TAFA5: variants seen among roughly 807,000 people sequenced by gnomAD.
The protein encoded by TAFA5 is TAFA chemokine like family member 5, also known as chemokine-like protein TAFA-5.
In TAFA5, 6 loss-of-function variants were observed where a neutral mutation model predicts 15.3. The ratio of observed to expected loss-of-function variants is 0.39; its 90% CI spans 0.21 to 0.77. The LOEUF is 0.77. Among genes scored for constraint, TAFA5 ranks in the 30% least tolerant of loss-of-function variants. The pLI is 0.41. For missense variants in TAFA5, 161 were observed against 193.1 expected (o/e 0.83, Z 0.98); for synonymous variants, 103 against 80.7 (o/e 1.28, Z -1.48).
At chr22:48,673,415 C>T (rs1401652099) in intron 2 of TAFA5, among the ~76,000 whole-genome samples, 1 of 152,220 alleles carries the variant, frequency 6.6e-6, no homozygotes, top group Non-Finnish European at 1.5e-5. Flanking sequence ...TGTCTCGTCG[C>T]TTTCTGGACA....
intron 1 of TAFA5, among the ~76,000 whole-genome samples, chr22:48,621,079 A>C (rs923740748): frequency 1.4e-3 from 49 of 35,120 alleles, no homozygotes; most frequent in Non-Finnish European, 2.0e-3. Flanking sequence ...TCATCCATCC[A>C]CCCACCCACC....
At chr22:48,508,162 A>T (rs1569162392) in intron 1 of TAFA5, among the ~76,000 whole-genome samples, 1 of 152,136 alleles carries the variant, frequency 6.6e-6, no homozygotes, top group Non-Finnish European at 1.5e-5. Flanking sequence ...CAGGGAGGTG[A>T]CTGTCTGTGT....
At chr22:48,682,478 C>T (rs773050007) in intron 2 of TAFA5, among the ~76,000 whole-genome samples, 4 of 152,214 alleles carry the variant, frequency 2.6e-5, no homozygotes, top group Non-Finnish European at 4.4e-5. Context: ...GGTGACCCCA[C>T]GTCCCACAGG....
chr22:48,518,330 C>T (rs919234329), intron 1 of TAFA5, among the ~76,000 whole-genome samples: 1 of 152,192 alleles, frequency 6.6e-6, no homozygotes, highest in Non-Finnish European at 1.5e-5. Flanking sequence ...CTCTGCCCCC[C>T]AGAATCCACA....
intron 1 of TAFA5, among the ~76,000 whole-genome samples, chr22:48,494,729 A>T (rs1162785953): frequency 6.6e-6 from 1 of 152,046 alleles, no homozygotes; most frequent in African/African-American, 2.4e-5. Flanking sequence ...TCCCTTCCGG[A>T]CTTCTCCGCC....
chr22:48,536,685 G>A (rs549381970), intron 1 of TAFA5, among the ~76,000 whole-genome samples: 52 of 152,346 alleles, frequency 3.4e-4, no homozygotes, highest in African/African-American at 1.2e-3. Context: ...CAAGGCTTCC[G>A]GCTCCCTGTG....
intron 1 of TAFA5, among the ~76,000 whole-genome samples, chr22:48,526,854 G>T (rs1921798364): frequency 6.6e-6 from 1 of 152,180 alleles, no homozygotes; most frequent in South Asian, 2.1e-4. Context: ...CTTTTGTTTT[G>T]CTTTGTTTCT....
intron 1 of TAFA5, among the ~76,000 whole-genome samples, chr22:48,636,203 G>A (rs965857211): frequency 5.3e-5 from 8 of 152,240 alleles, no homozygotes; most frequent in African/African-American, 9.6e-5. Context: ...TCCTGAGATC[G>A]TTGACTTTGC....
intron 1 of TAFA5, among the ~76,000 whole-genome samples, chr22:48,561,148 AG>A (rs1294945426): frequency 1.3e-5 from 2 of 152,094 alleles, no homozygotes; most frequent in African/African-American, 2.4e-5. Flanking sequence ...GAAAGGCCTC[AG>A]GGCCCAGGGA....
chr22:48,539,815 G>A (rs374444488), intron 1 of TAFA5, among the ~76,000 whole-genome samples: 27 of 152,218 alleles, frequency 1.8e-4, no homozygotes, highest in African/African-American at 5.8e-4. Context: ...GTGATACGTC[G>A]GCTGAGAACT....
chr22:48,516,485 G>T (rs1028450133), intron 1 of TAFA5, among the ~76,000 whole-genome samples: 3 of 152,188 alleles, frequency 2.0e-5, no homozygotes, highest in African/African-American at 7.2e-5. Flanking sequence ...ACGAAATGGG[G>T]GCCCGCCCCC....
At chr22:48,678,296 C>G (rs1455942046) in intron 2 of TAFA5, among the ~76,000 whole-genome samples, 4 of 152,190 alleles carry the variant, frequency 2.6e-5, no homozygotes, top group Non-Finnish European at 5.9e-5. Flanking sequence ...TTCTGGGGAT[C>G]CTGCTGTGCC....
rs866377962 is a variant in TAFA5, at chr22:48,576,044, C to T, written c.113-70553C>T. ...GGGGGCCGGGGCCGCGCCGGACCCCCCCCCCCCCCGCGCCGCCCGGCCGTT... is the reference window on the plus strand; with the variant it reads ...GGGGGCCGGGGCCGCGCCGGACCCCTCCCCCCCCCGCGCCGCCCGGCCGTT... On this transcript the variant is annotated intron_variant, in intron 1 of 3. Coordinates refer to ENST00000402357, the MANE Select transcript of TAFA5 (RefSeq NM_001082967.3). Among the ~76,000 whole-genome samples, 86 of 109,174 alleles carry T rather than the reference C, an allele frequency of 7.9e-4. 3 individuals are homozygous for T. The highest frequency in any genetic ancestry group is 6.8e-3 in the Admixed American group (84 of 12,438). The allele number at this position is 109,174 out of a possible 152,430, so 71.6% of individuals were successfully genotyped here.
intron 1 of TAFA5, among the ~76,000 whole-genome samples, chr22:48,617,085 A>G (rs1925635943): frequency 6.6e-5 from 10 of 152,194 alleles, no homozygotes; most frequent in Admixed American, 6.5e-4. Flanking sequence ...GCACTCCCCA[A>G]AAGATGTCCG....
intron 1 of TAFA5, among the ~76,000 whole-genome samples, chr22:48,523,454 A>G (rs560223342): frequency 6.6e-6 from 1 of 152,208 alleles, no homozygotes; most frequent in African/African-American, 2.4e-5. Context: ...GCTGTTGGCT[A>G]CTTGAGCAGG....
At chr22:48,555,241 G>A (rs890272411) in intron 1 of TAFA5, among the ~76,000 whole-genome samples, 5 of 152,200 alleles carry the variant, frequency 3.3e-5, no homozygotes, top group Non-Finnish European at 5.9e-5. Context: ...CTGGTGGCAT[G>A]GGGCTGGCGG....
chr22:48,627,899 G>A (rs1300317662), intron 1 of TAFA5, among the ~76,000 whole-genome samples: 1 of 152,226 alleles, frequency 6.6e-6, no homozygotes, highest in African/African-American at 2.4e-5. Context: ...AGGACGGGGG[G>A]TTGCATATTC....
chr22:48,591,387 C>G (rs1924561323), intron 1 of TAFA5, among the ~76,000 whole-genome samples: 1 of 152,244 alleles, frequency 6.6e-6, no homozygotes, highest in Non-Finnish European at 1.5e-5. Flanking sequence ...AGCCACCCCT[C>G]TGGGTCCTGC....
chr22:48,611,649 G>A (rs1202228152), intron 1 of TAFA5, among the ~76,000 whole-genome samples: 1 of 152,084 alleles, frequency 6.6e-6, no homozygotes. Context: ...TGTTCTGATT[G>A]TGTCCACGTG....
Sources: gnomAD v4.1 joint callset for allele counts (sites outside exome capture counted in the v4.1 genomes callset) on GRCh38, gnomAD v4.1.1 for gene constraint, MANE v1.5 for transcripts, NCBI Gene and HGNC (gene_info 2026-07-23, HGNC 2026-07-21) for gene names.